The following CCDC34 variants were observed in gnomAD, a reference collection of about 807,000 sequenced individuals.
CCDC34 encodes coiled-coil domain containing 34.
Under a neutral mutation model 44.1 loss-of-function variants are expected in CCDC34, and 40 were observed. The observed-to-expected ratio is 0.91, with a 90% confidence interval of 0.70 to 1.18. CCDC34 has a LOEUF of 1.18. Among genes scored for constraint, CCDC34 ranks in the 50% most tolerant of loss-of-function variants. CCDC34 has a pLI of 0.00. For missense variants in CCDC34, 466 were observed against 452.3 expected (o/e 1.03, Z -0.28); for synonymous variants, 159 against 158.2 (o/e 1.01, Z -0.04).
rs180993555 is a variant in CCDC34, at chr11:27,359,288, T to G, written c.360-1747A>C. ...AGCCTCTTCTTTCACCAACGGCTGA[T>G]CCAGACTCTACATTTCACTCACTAG... On this transcript the variant is annotated intron_variant, in intron 1 of 5. Transcript: ENST00000328697. Among the ~76,000 whole-genome samples the G allele has an allele frequency of 1.1e-4, 17 of 152,168 alleles. No homozygotes were observed. The East Asian group carries it at 3.3e-3, about 30-fold the overall frequency.
At chr11:27,359,613 C>T (rs1009590776) in intron 1 of CCDC34, among the ~76,000 whole-genome samples, 1 of 151,994 alleles carries the variant, frequency 6.6e-6, no homozygotes, top group Non-Finnish European at 1.5e-5. Flanking sequence ...CTCAGCCTCC[C>T]GAGTAGCTGA....
rs771674483 is a variant in CCDC34, at chr11:27,341,426, T to A, written c.731A>T (p.Asn244Ile). The A allele has an allele frequency of 8.3e-6, 12 of 1,449,560 alleles. No homozygotes were observed. The highest frequency in any genetic ancestry group is 2.3e-5 in the Admixed American group (1 of 44,060). The allele number at this position is 1,449,560 out of a possible 1,614,324, so 89.8% of individuals were successfully genotyped here. Reference sequence around the variant, plus strand: ...CTTCTTCCTCTCACATTCTTCAGCATTTTTTTTCTTTAACCATTCTTGATA... The same window carrying A: ...CTTCTTCCTCTCACATTCTTCAGCAATTTTTTTCTTTAACCATTCTTGATA... The part of the protein sequence containing the change: ...EKYQEWLKKK[N>I]AEECERKKKE... Residue 244 changes from asparagine to isoleucine, a missense_variant, in exon 4 of 6, where the codon AAT becomes ATT. Asn to Ile is a moderately radical substitution (Grantham distance 149). Transcript: ENST00000328697.
intron 1 of CCDC34, among the ~76,000 whole-genome samples, chr11:27,361,837 C>T (rs1862669038): frequency 1.3e-5 from 2 of 152,308 alleles, no homozygotes; most frequent in South Asian, 4.1e-4. Flanking sequence ...GTGCCTTACA[C>T]AGCTTGACAA....
At chr11:27,357,625 A>G in intron 1 of CCDC34, 84 bp from the exon 2 acceptor site, 2 of 1,180,982 alleles carry the variant, frequency 1.7e-6, no homozygotes, top group Non-Finnish European at 2.4e-6. Context: ...CAGTAAAAGC[A>G]AAACTTAATA....
chr11:27,362,728 C>T (rs989558056), intron 1 of CCDC34, 108 bp downstream of exon 1: 2 of 1,319,314 alleles, frequency 1.5e-6, no homozygotes, highest in African/African-American at 1.5e-5. Flanking sequence ...TCTGCAAGTG[C>T]CTGCTCTGCC....
intron 3 of CCDC34, among the ~76,000 whole-genome samples, chr11:27,345,250 T>C (rs1338976282): frequency 2.6e-5 from 4 of 152,180 alleles, no homozygotes; most frequent in African/African-American, 9.7e-5. Context: ...GTGGAGAGTA[T>C]TTTTACCCTC....
chr11:27,339,339 T>A (rs983442415), intron 5 of CCDC34, among the ~76,000 whole-genome samples: 2 of 152,238 alleles, frequency 1.3e-5, no homozygotes, highest in African/African-American at 4.8e-5. Context: ...AATTTTATGA[T>A]CCTTAAATTC....
intron 3 of CCDC34, 47 bp from the exon 4 acceptor site, chr11:27,341,597 C>G: frequency 1.1e-6 from 1 of 874,190 alleles, no homozygotes; most frequent in Non-Finnish European, 1.7e-6. Flanking sequence ...AGTAATTATA[C>G]TCATCTAAGG....
chr11:27,347,703 A>G (rs185203886), intron 3 of CCDC34, among the ~76,000 whole-genome samples: 1 of 152,242 alleles, frequency 6.6e-6, no homozygotes, highest in African/African-American at 2.4e-5. Context: ...AAGCAGATTA[A>G]TGGTTTCCTT....
chr11:27,355,481 C>G (rs191936942), intron 2 of CCDC34, among the ~76,000 whole-genome samples: 1 of 151,930 alleles, frequency 6.6e-6, no homozygotes, highest in Non-Finnish European at 1.5e-5. Context: ...AAAATACACC[C>G]CAATTCTGAA....
intron 3 of CCDC34, among the ~76,000 whole-genome samples, chr11:27,348,307 T>A (rs548470563): frequency 1.4e-4 from 21 of 152,380 alleles, no homozygotes; most frequent in African/African-American, 4.8e-4. Flanking sequence ...TTGATCTGAA[T>A]TAATGTCTTA....
intron 3 of CCDC34, among the ~76,000 whole-genome samples, chr11:27,346,262 G>A (rs1862431286): frequency 6.6e-6 from 1 of 152,006 alleles, no homozygotes; most frequent in Admixed American, 6.6e-5. Flanking sequence ...CAGGTGTGGT[G>A]GTATACTCCT....
At chr11:27,353,797 T>C (rs1021061249) in intron 2 of CCDC34, among the ~76,000 whole-genome samples, 2 of 152,158 alleles carry the variant, frequency 1.3e-5, no homozygotes, top group Non-Finnish European at 2.9e-5. Flanking sequence ...AAAAAATAAA[T>C]ACTAAGTCTG....
In CCDC34 at chr11:27,345,654, A is replaced by C. The variant is rs1335915340; in HGVS notation, c.607-4104T>G. Reference sequence around the variant, plus strand: ...GGCTGCATAGTATTCCATGGTGTATATGTGCCACATTTTCTTAATCCAGTC... The same window carrying C: ...GGCTGCATAGTATTCCATGGTGTATCTGTGCCACATTTTCTTAATCCAGTC... On this transcript the variant is annotated intron_variant, in intron 3 of 5. Transcript: ENST00000328697. Among the ~76,000 whole-genome samples, 5 of 152,144 alleles carry C rather than the reference A, an allele frequency of 3.3e-5. No individual in the cohort carries two copies. In the East Asian group the frequency reaches 9.7e-4, roughly 29 times the overall value.
chr11:27,338,819 C>G lies in CCDC34; in HGVS notation c.*2G>C. On this transcript the variant is annotated 3_prime_UTR_variant, in exon 6 of 6. Transcript: ENST00000328697. ...ATAAAAGCATGTTATTTTCCACATA[C>G]GCTATCTTTGTATTCTGCACAGAGT... The G allele has an allele frequency of 1.2e-6, 2 of 1,606,046 alleles. No individual in the cohort carries two copies. The highest frequency in any genetic ancestry group is 1.7e-6 in the Non-Finnish European group (2 of 1,174,590).
At chr11:27,347,728 C>A (rs899164645) in intron 3 of CCDC34, among the ~76,000 whole-genome samples, 2 of 151,492 alleles carry the variant, frequency 1.3e-5, no homozygotes, top group Admixed American at 6.6e-5. Context: ...CTGAGGCTGG[C>A]TGGGGGCAGG....
intron 1 of CCDC34, among the ~76,000 whole-genome samples, chr11:27,360,730 T>A (rs1262701650): frequency 6.6e-6 from 1 of 152,250 alleles, no homozygotes; most frequent in African/African-American, 2.4e-5. Flanking sequence ...TTACTGCACC[T>A]TAGTAGTACC....
chr11:27,343,379 G>A (rs1862391015), intron 3 of CCDC34, among the ~76,000 whole-genome samples: 2 of 147,818 alleles, frequency 1.4e-5, no homozygotes, highest in South Asian at 4.3e-4. Context: ...TCCAGCCTGG[G>A]AGACAGAGCA....
rs1862312479 is a variant in CCDC34, at chr11:27,338,601, A to T, written c.*220T>A. 2.0e-6 allele frequency: 1 copy of T among 495,242 alleles called. No individual in the cohort carries two copies. Among genetic ancestry groups the T allele is most frequent in the African/African-American group, 2.0e-5 (1 of 49,652 alleles). The allele number at this position is 495,242 out of a possible 1,614,324, so 30.7% of individuals were successfully genotyped here. ...ACAATTCTTACATATTCAGCCACTT[A>T]TTCTGCAAAACAACATGCCAAGATC... On this transcript the variant is annotated 3_prime_UTR_variant, in exon 6 of 6. Transcript: ENST00000328697.
Sources: allele counts gnomAD v4.1 joint callset (sites outside exome capture counted in the v4.1 genomes callset), GRCh38; gene constraint gnomAD v4.1.1; transcripts MANE v1.5; gene names NCBI Gene and HGNC (gene_info 2026-07-23, HGNC 2026-07-21).